Variants in MIGA2 observed in about 807,000 individuals in gnomAD.
MIGA2 encodes the protein family with sequence similarity 73, member B.
MIGA2 carries 36 observed loss-of-function variants against 69.9 expected under a neutral mutation model. The observed-to-expected ratio is 0.52, with a 90% confidence interval of 0.39 to 0.68. The LOEUF (loss-of-function observed/expected upper bound fraction) is 0.68. MIGA2 is among the 30% of genes least tolerant of loss of function. The pLI is 0.00. For synonymous variants in MIGA2, 333 were observed against 349.2 expected (o/e 0.95, Z 0.52); for missense variants, 660 against 787.7 (o/e 0.84, Z 1.94).
Position 129,063,648 on chromosome 9 carries a change from T to TG in MIGA2, c.1170+24dup, listed in dbSNP as rs139154037. 2.3e-3 allele frequency: 1,257 copies of TG among 558,550 alleles called. 4 individuals are homozygous for TG. Among genetic ancestry groups the TG allele is most frequent in the Non-Finnish European group, 2.5e-3 (812 of 318,634 alleles). The allele number at this position is 558,550 out of a possible 1,614,324, so 34.6% of individuals were successfully genotyped here. ...GCTGAGAAGGTAGCAGGGGGTGGGG[T>TG]GGGGGGGCAAATTATAAAATGCAAA... On this transcript the variant is annotated intron_variant, in intron 11 of 15. Coordinates refer to ENST00000684074, the MANE Select transcript of MIGA2 (RefSeq NM_001329990.2).
rs754870243 is a variant in MIGA2 at position 129,060,558 on chromosome 9, C to A, written c.802C>A (p.Leu268Ile). The change falls in exon 8 of 16, where the codon CTC (leucine) becomes ATC (isoleucine). Residue 268 changes from leucine to isoleucine, a missense_variant. Transcript: ENST00000684074. The surrounding 1 kb of genome is among the most constrained non-coding windows in gnomAD (Gnocchi z 4.8). ...DSMLLDLERT[L>I]MLPLTEGSLR... is the part of the protein sequence containing the mutation. The stretch of plus-strand genomic sequence containing the variant: ...CTCACTGCTCTTCCCAGAGAGGACC[C>A]TCATGCTGCCCCTGACCGAGGGCTC... 1 of 1,596,028 alleles carries A rather than the reference C, an allele frequency of 6.3e-7. No individual in the cohort carries two copies. The highest frequency in any genetic ancestry group is 8.5e-7 in the Non-Finnish European group (1 of 1,170,818).
intron 1 of MIGA2, chr9:129,037,110 A>G (rs1046878999): frequency 2.1e-6 from 2 of 958,906 alleles, no homozygotes; most frequent in Non-Finnish European, 2.5e-6. Context: ...AGACGGGGAT[A>G]TTGCTGAGGT....
At chr9:129,063,160 C>G (rs969746326) in intron 9 of MIGA2, 84 bp from the exon 10 acceptor site, 9 of 1,425,658 alleles carry the variant, frequency 6.3e-6, no homozygotes, top group African/African-American at 2.8e-5. Context: ...GAGCCTCCCC[C>G]CTCCCCACCC....
chr9:129,044,886 C>G (rs780934054), intron 3 of MIGA2, among the ~76,000 whole-genome samples: 4 of 151,600 alleles, frequency 2.6e-5, no homozygotes, highest in Admixed American at 6.6e-5. Context: ...CCGCCGTGCC[C>G]AGCTGAAACT....
At chr9:129,048,588 C>T in intron 4 of MIGA2, 49 bp downstream of exon 4, 1 of 1,437,542 alleles carries the variant, frequency 7.0e-7, no homozygotes, top group Non-Finnish European at 9.8e-7. Flanking sequence ...GGGCTTACCC[C>T]TGCTGAGGAC....
chr9:129,043,128 A>G (rs554610746), intron 3 of MIGA2, among the ~76,000 whole-genome samples: 1 of 151,668 alleles, frequency 6.6e-6, no homozygotes, highest in African/African-American at 2.4e-5. Context: ...CAGGAGGCGG[A>G]GCTTGCAGTG....
In MIGA2 at chr9:129,059,296, G is replaced by C; in HGVS notation, c.793+25G>C. ...GGTGAGCTGGGCCCAGTGCAGGTGG[G>C]GTGGGCGTGGAGGGTGGCAGGGATG... On this transcript the variant is annotated intron_variant, in intron 7 of 15. Transcript: ENST00000684074. This position sits in a 1 kb window ranked among gnomAD's most constrained non-coding sequence, Gnocchi z 5.6. 1 of 1,531,592 alleles carries C rather than the reference G, an allele frequency of 6.5e-7. No homozygotes were observed. Among genetic ancestry groups the C allele is most frequent in the South Asian group, 1.2e-5 (1 of 84,614 alleles). 94.9% of individuals were successfully genotyped at this position (1,531,592 alleles called of 1,614,324 possible). A position where few individuals can be genotyped will look rare whatever the true frequency, so the allele number is the denominator to read the frequency against.
chr9:129,067,757 G>A lies in MIGA2; in HGVS notation c.1171-16G>A, dbSNP rs147360024. 33 of 1,601,906 alleles carry A rather than the reference G, an allele frequency of 2.1e-5. No homozygotes were observed. Among genetic ancestry groups the A allele is most frequent in the African/African-American group, 6.7e-5 (5 of 74,778 alleles). On this transcript the variant is annotated splice_polypyrimidine_tract_variant and intron_variant, in intron 11 of 15. Transcript: ENST00000684074. ...TCTTGTCCAGTGACCAGGATGGGCCGTGCTTCTCTCCACAGAGCCCCAAAG... is the reference window on the plus strand; with the variant it reads ...TCTTGTCCAGTGACCAGGATGGGCCATGCTTCTCTCCACAGAGCCCCAAAG...
Position 129,069,252 on chromosome 9 carries a change from C to T in MIGA2, c.1458+123C>T. 2.4e-6 allele frequency: 3 copies of T among 1,244,524 alleles called. No individual in the cohort carries two copies. The highest frequency in any genetic ancestry group is 3.5e-6 in the Non-Finnish European group (3 of 862,124). The allele number at this position is 1,244,524 out of a possible 1,614,324, so 77.1% of individuals were successfully genotyped here. A position where few individuals can be genotyped will look rare whatever the true frequency, so the allele number is the denominator to read the frequency against. ...CTTCACCGCTCACAGTCCTGGCCCC[C>T]TTGTTCCGCCGTTACCTCTCCCTGT... On this transcript the variant is annotated intron_variant, in intron 14 of 15. Coordinates refer to ENST00000684074, the MANE Select transcript of MIGA2 (RefSeq NM_001329990.2). This position sits in a 1 kb window ranked among gnomAD's most constrained non-coding sequence, Gnocchi z 4.9.
chr9:129,038,608 T>C (rs949279441), intron 1 of MIGA2, among the ~76,000 whole-genome samples: 8 of 152,148 alleles, frequency 5.3e-5, no homozygotes, highest in Admixed American at 5.2e-4. Flanking sequence ...TCCTGCTGCA[T>C]GTCAAATTTA....
Position 129,063,583 on chromosome 9 carries a change from GA to G in MIGA2, c.1125del (p.Val376TrpfsTer6). On this transcript the variant is annotated frameshift_variant, in exon 11 of 16. Coordinates refer to ENST00000684074, the MANE Select transcript of MIGA2 (RefSeq NM_001329990.2). LOFTEE classifies it high-confidence loss of function. Reference protein sequence around the residue: ...EDKSNQLFFGKVGRQMVTGLM... With the variant: ...EDKSNQLFFGXVGRQMVTGLM... ...ACAAGAGTAACCAGCTTTTCTTCGGGAAAGTGGGCCGACAGATGGTGACAGG... is the reference window on the plus strand; with the variant it reads ...ACAAGAGTAACCAGCTTTTCTTCGGGAAGTGGGCCGACAGATGGTGACAGG... 4.8e-6 allele frequency: 7 copies of G among 1,453,080 alleles called. No homozygotes were observed. Among genetic ancestry groups the G allele is most frequent in the Non-Finnish European group, 6.5e-6 (7 of 1,078,372 alleles). The allele number at this position is 1,453,080 out of a possible 1,614,324, so 90.0% of individuals were successfully genotyped here. A position where few individuals can be genotyped will look rare whatever the true frequency, so the allele number is the denominator to read the frequency against.
rs899782132 is a variant in MIGA2 at position 129,040,472 on chromosome 9, G to A, written c.-123G>A. ...CTTAGCTCTGTGGAGGGGCCCTCTG[G>A]TATGTGTGTCCCTGTCCTTCTGGGG... is the stretch of plus-strand genomic sequence containing the variant. On this transcript the variant is annotated 5_prime_UTR_variant, in exon 2 of 16. It introduces an in-frame stop codon into an upstream open reading frame of the 5' UTR. Transcript: ENST00000684074. The A allele has an allele frequency of 3.4e-5, 48 of 1,427,568 alleles. No individual in the cohort carries two copies. The South Asian group carries it at 6.0e-4, about 18-fold the overall frequency. 88.4% of individuals were successfully genotyped at this position (1,427,568 alleles called of 1,614,324 possible). A position where few individuals can be genotyped will look rare whatever the true frequency, so the allele number is the denominator to read the frequency against.
At position 129,061,218 on chromosome 9, in the gene MIGA2, C is replaced by CA; in HGVS notation, c.895-12dup. ...TGGGCTTCCCTGGTCTCTTCCTCTGCACCCTCTCCCAGCTCTTTGAGTCCC... is the reference window on the plus strand; with the variant it reads ...TGGGCTTCCCTGGTCTCTTCCTCTGCAACCCTCTCCCAGCTCTTTGAGTCCC... On this transcript the variant is annotated splice_polypyrimidine_tract_variant and intron_variant, in intron 8 of 15. Coordinates refer to ENST00000684074, the MANE Select transcript of MIGA2 (RefSeq NM_001329990.2). The surrounding 1 kb of genome is among the most constrained non-coding windows in gnomAD (Gnocchi z 5.0). The CA allele has an allele frequency of 6.2e-7, 1 of 1,603,632 alleles. No individual in the cohort carries two copies. The highest frequency in any genetic ancestry group is 8.5e-7 in the Non-Finnish European group (1 of 1,174,438).
chr9:129,043,590 T>C (rs185858265), intron 3 of MIGA2, among the ~76,000 whole-genome samples: 74 of 152,048 alleles, frequency 4.9e-4, no homozygotes, highest in African/African-American at 1.7e-3. Context: ...TTTCGCCACG[T>C]TGGCCAGGCT....
At chr9:129,066,543 G>A (rs543218668) in intron 11 of MIGA2, among the ~76,000 whole-genome samples, 1 of 150,920 alleles carries the variant, frequency 6.6e-6, no homozygotes, top group African/African-American at 2.4e-5. Flanking sequence ...GCATGGTGGT[G>A]GGCGCCTGTA....
At chr9:129,045,071 A>C (rs1845140816) in intron 3 of MIGA2, among the ~76,000 whole-genome samples, 1 of 150,242 alleles carries the variant, frequency 6.7e-6, no homozygotes, top group Non-Finnish European at 1.5e-5. Flanking sequence ...GGTGGCAGGC[A>C]TCTATGGAGG....
At chr9:129,044,205 G>A (rs867058352) in intron 3 of MIGA2, among the ~76,000 whole-genome samples, 1 of 151,544 alleles carries the variant, frequency 6.6e-6, no homozygotes, top group Non-Finnish European at 1.5e-5. Context: ...TGTTAGCCAG[G>A]CTGGTCTCGA....
chr9:129,058,496 C>CTTTTTTTTT (rs892590575), intron 6 of MIGA2, among the ~76,000 whole-genome samples: 44 of 117,490 alleles, frequency 3.7e-4, no homozygotes, highest in East Asian at 5.1e-4. Context: ...TTCTTTCTTT[C>CTTTTTTTTT]TTTTTTTTTT....
At position 129,069,738 on chromosome 9, in the gene MIGA2, G is replaced by GTA; in HGVS notation, c.1459-110_1459-109dup. The GTA allele has an allele frequency of 1.3e-6, 1 of 789,832 alleles. No homozygotes were observed. 48.9% of individuals were successfully genotyped at this position (789,832 alleles called of 1,614,324 possible). A position where few individuals can be genotyped will look rare whatever the true frequency, so the allele number is the denominator to read the frequency against. On this transcript the variant is annotated intron_variant, in intron 14 of 15. Coordinates refer to ENST00000684074, the MANE Select transcript of MIGA2 (RefSeq NM_001329990.2). This position sits in a 1 kb window ranked among gnomAD's most constrained non-coding sequence, Gnocchi z 4.9. ...CTGCCCAGGGTCATCTAGCAGGAAA[G>GTA]TACATGAGCTGGGGCGACCTCTAAA...
Sources: gnomAD v4.1 joint callset for allele counts (sites outside exome capture counted in the v4.1 genomes callset) on GRCh38, gnomAD v4.1.1 for gene constraint, Gnocchi (gnomAD v3.1) non-coding constraint, MANE v1.5 for transcripts, NCBI Gene and HGNC (gene_info 2026-07-23, HGNC 2026-07-21) for gene names.